Variants in STK4 observed in about 807,000 individuals in gnomAD.
The protein encoded by STK4 is serine/threonine kinase 4, also known as serine/threonine-protein kinase 4.
In STK4, 30 loss-of-function variants were observed where a neutral mutation model predicts 64.9. The observed-to-expected ratio is 0.46, with a 90% CI of 0.35 to 0.63. The LOEUF (loss-of-function observed/expected upper bound fraction) is 0.63. Ranked by LOEUF, STK4 falls within the 20% of genes least tolerant of loss-of-function variation. The pLI, the probability that STK4 is intolerant of heterozygous loss-of-function variation, is 0.01. For synonymous variants in STK4, 177 were observed against 199.0 expected (o/e 0.89, Z 0.93); for missense variants, 466 against 598.5 (o/e 0.78, Z 2.31).
At chr20:44,978,645 A>C (rs1197376196) in intron 3 of STK4, 74 bp downstream of exon 3, 1 of 1,481,236 alleles carries the variant, frequency 6.8e-7, no homozygotes, top group Non-Finnish European at 9.1e-7. Context: ...TTTGATACCT[A>C]GAGACACATT....
intron 10 of STK4, among the ~76,000 whole-genome samples, chr20:45,046,610 T>C (rs1446833515): frequency 6.6e-6 from 1 of 152,066 alleles, no homozygotes; most frequent in Non-Finnish European, 1.5e-5. Flanking sequence ...TCTTCTCTTC[T>C]ACTCTGTTAT....
chr20:45,005,647 CAAA>C (rs1214893882), intron 9 of STK4, among the ~76,000 whole-genome samples: 7 of 65,700 alleles, frequency 1.1e-4, no homozygotes, highest in African/African-American at 1.2e-4. Flanking sequence ...GACTCTGTCT[CAAA>C]AAAAAAAAAA....
chr20:44,999,067 C>CAAA (rs71339807), intron 7 of STK4, among the ~76,000 whole-genome samples: 17,112 of 127,396 alleles, frequency 0.13, 1,309 homozygotes, highest in East Asian at 0.24. Context: ...GACTCCATCT[C>CAAA]AAAAAAAAAA....
chr20:44,971,731 C>T (rs2067250586), intron 1 of STK4, among the ~76,000 whole-genome samples: 3 of 134,720 alleles, frequency 2.2e-5, no homozygotes, highest in South Asian at 2.3e-4. Flanking sequence ...AGCGTAGTGG[C>T]GCAATTTCGG....
intron 10 of STK4, among the ~76,000 whole-genome samples, chr20:45,028,748 C>G (rs758487815): frequency 6.6e-5 from 10 of 152,080 alleles, no homozygotes; most frequent in Non-Finnish European, 1.3e-4. Context: ...AACTTTAATT[C>G]TAATCATTAT....
intron 4 of STK4, among the ~76,000 whole-genome samples, chr20:44,983,429 T>A (rs998469941): frequency 6.6e-6 from 1 of 151,978 alleles, no homozygotes; most frequent in African/African-American, 2.4e-5. Flanking sequence ...TAGCGAGACC[T>A]CGTCTCTACA....
intron 5 of STK4, among the ~76,000 whole-genome samples, chr20:44,992,561 C>G (rs2067654182): frequency 6.6e-6 from 1 of 152,084 alleles, no homozygotes; most frequent in Non-Finnish European, 1.5e-5. Context: ...GGCTGGAGTG[C>G]AGTGGCATGA....
At chr20:45,000,572 T>C (rs768884765) in intron 8 of STK4, 52 bp downstream of exon 8, 1 of 1,609,460 alleles carries the variant, frequency 6.2e-7, no homozygotes, top group South Asian at 1.1e-5. Flanking sequence ...TGTTATTTTA[T>C]GATTGCCAAA....
chr20:44,967,240 C>G, intron 1 of STK4: 1 of 985,102 alleles, frequency 1.0e-6, no homozygotes, highest in Non-Finnish European at 1.2e-6. Context: ...TCTTCACATC[C>G]TCCTCAGCTC....
At chr20:45,005,969 A>G (rs1174620180) in intron 9 of STK4, among the ~76,000 whole-genome samples, 1 of 151,704 alleles carries the variant, frequency 6.6e-6, no homozygotes, top group Non-Finnish European at 1.5e-5. Context: ...GTATCTGTTG[A>G]TGGTGATGGA....
At chr20:45,035,352 A>T (rs1057007842) in intron 10 of STK4, among the ~76,000 whole-genome samples, 6 of 151,906 alleles carry the variant, frequency 3.9e-5, no homozygotes, top group African/African-American at 1.5e-4. Flanking sequence ...TTCAATTGAG[A>T]TTTTTTTTCT....
chr20:45,018,142 AG>A (rs1420088487), intron 9 of STK4, among the ~76,000 whole-genome samples: 5 of 152,238 alleles, frequency 3.3e-5, no homozygotes, highest in African/African-American at 4.8e-5. Flanking sequence ...CCCTGTGATA[AG>A]AATTGCACAT....
At chr20:45,070,075 C>G (rs184886637) in intron 10 of STK4, among the ~76,000 whole-genome samples, 72 of 152,274 alleles carry the variant, frequency 4.7e-4, no homozygotes, top group Admixed American at 3.7e-3. Context: ...TTCATTAACT[C>G]TGTAGGCCAC....
chr20:45,005,415 G>A (rs2067920343), intron 9 of STK4, among the ~76,000 whole-genome samples: 1 of 151,930 alleles, frequency 6.6e-6, no homozygotes, highest in South Asian at 2.1e-4. Context: ...GGAGGCCGAG[G>A]CAGGCGGATC....
rs1395180210 is a variant in STK4 at position 44,997,405 on chromosome 20, A to T, written c.831+99A>T. 5 of 1,458,822 alleles carry T rather than the reference A, an allele frequency of 3.4e-6. No individual in the cohort carries two copies. In the East Asian group the frequency reaches 1.2e-4, roughly 35 times the overall value. The allele number at this position is 1,458,822 out of a possible 1,614,324, so 90.4% of individuals were successfully genotyped here. A position where few individuals can be genotyped will look rare whatever the true frequency, so the allele number is the denominator to read the frequency against. On this transcript the variant is annotated intron_variant, in intron 7 of 10. Transcript: ENST00000372806. ...TACGTGGAGATAGTAAAGAAGTATA[A>T]GGCAGGCTGGGTGCAGTGGCTCACG...
chr20:45,027,306 T>C lies in STK4; in HGVS notation c.1305+2176T>C, dbSNP rs1291306250. On this transcript the variant is annotated intron_variant, in intron 10 of 10. Transcript: ENST00000372806. Reference sequence around the variant, plus strand: ...ATCAGCCAGTGTGGTGGTGCATGCCTGTAATCCCAGCTACTCGGGAGGCTG... The same window carrying C: ...ATCAGCCAGTGTGGTGGTGCATGCCCGTAATCCCAGCTACTCGGGAGGCTG... 1.3e-4 allele frequency among the ~76,000 whole-genome samples: 20 copies of C among 151,894 alleles called. No individual in the cohort carries two copies. The East Asian group carries it at 3.7e-3, about 28-fold the overall frequency.
chr20:44,986,407 AAGCAAGCCCTTGTTGAAAC>A, intron 4 of STK4, among the ~76,000 whole-genome samples: 1 of 152,214 alleles, frequency 6.6e-6, no homozygotes, highest in East Asian at 1.9e-4. Context: ...AACAGCAAGG[AAGCAAGCCCTTGTTGAAAC>A]AGATTGAGCA....
chr20:45,011,731 T>TATATATATATATATATATA (rs1428985946), intron 9 of STK4, among the ~76,000 whole-genome samples: 146 of 81,074 alleles, frequency 1.8e-3, no homozygotes, highest in African/African-American at 5.4e-3. Context: ...ATATATATAT[T>TATATATATATATATATATA]TTTTTTTTTT....
chr20:44,980,060 C>T (rs2067410501), intron 3 of STK4, among the ~76,000 whole-genome samples: 1 of 152,080 alleles, frequency 6.6e-6, no homozygotes, highest in South Asian at 2.1e-4. Flanking sequence ...GAGCAGAGTC[C>T]TTGTGCTTTG....
Sources: gnomAD v4.1 joint callset for allele counts (sites outside exome capture counted in the v4.1 genomes callset) on GRCh38, gnomAD v4.1.1 for gene constraint, MANE v1.5 for transcripts, NCBI Gene and HGNC (gene_info 2026-07-23, HGNC 2026-07-21) for gene names.